Variants in BTRC observed in about 807,000 individuals in gnomAD.
The protein encoded by BTRC is beta-transducin repeat containing E3 ubiquitin protein ligase, also known as F-box/WD repeat-containing protein 1A.
A neutral mutation model predicts 85.5 loss-of-function variants in BTRC; 42 were observed. The observed-to-expected ratio is 0.49, with a 90% CI of 0.38 to 0.64. BTRC has a LOEUF of 0.64. BTRC is among the 30% of genes least tolerant of loss of function. The probability of loss-of-function intolerance (pLI) is 0.00; values close to 1 mark genes in which losing one functional copy is unlikely to be tolerated. For missense variants in BTRC, 594 were observed against 743.5 expected, an observed-to-expected ratio of 0.80 and a Z score of 2.34; for synonymous variants, 255 against 263.3, an observed-to-expected ratio of 0.97 and a Z score of 0.30.
rs535656002 is a variant in BTRC, at chr10:101,387,528, C to CTTTTTTTTTTTTTTTTTTTTTT, written c.48+33318_48+33319insTTTTTTTTTTTTTTTTTTTTTT. On this transcript the variant is annotated intron_variant, in intron 1 of 14. Coordinates refer to ENST00000370187, the MANE Select transcript of BTRC (RefSeq NM_033637.4). ...TGTGGCTTTTTATACCTTCATGGGA[C>CTTTTTTTTTTTTTTTTTTTTTT]TTTTTTTTTTTTTTTTTTGAGATAG... Among the ~76,000 whole-genome samples, 244 of 45,056 alleles carry CTTTTTTTTTTTTTTTTTTTTTT rather than the reference C, an allele frequency of 5.4e-3. 76 individuals are homozygous for CTTTTTTTTTTTTTTTTTTTTTT. Among genetic ancestry groups the CTTTTTTTTTTTTTTTTTTTTTT allele is most frequent in the East Asian group, 0.011 (9 of 784 alleles). 29.6% of individuals were successfully genotyped at this position (45,056 alleles called of 152,430 possible).
intron 4 of BTRC, among the ~76,000 whole-genome samples, chr10:101,503,138 T>C (rs1386028156): frequency 1.3e-5 from 2 of 152,164 alleles, no homozygotes; most frequent in African/African-American, 4.8e-5. Context: ...TGGGATAGAA[T>C]CAGTGTCAAA....
intron 1 of BTRC, among the ~76,000 whole-genome samples, chr10:101,372,242 TTTTC>T (rs1222531814): frequency 5.4e-5 from 8 of 147,976 alleles, no homozygotes; most frequent in African/African-American, 1.9e-4. Flanking sequence ...GCCTTTTGCG[TTTTC>T]TTTTTCTTTT....
At chr10:101,504,625 C>G (rs1946472709) in intron 4 of BTRC, among the ~76,000 whole-genome samples, 2 of 151,964 alleles carry the variant, frequency 1.3e-5, no homozygotes, top group Admixed American at 6.6e-5. Context: ...TTCTCTAGCC[C>G]TAGCCCTTCC....
chr10:101,471,077 C>G (rs951670408), intron 3 of BTRC, among the ~76,000 whole-genome samples: 1 of 152,132 alleles, frequency 6.6e-6, no homozygotes, highest in Non-Finnish European at 1.5e-5. Context: ...GCACCAAATA[C>G]CATAGTGTCT....
chr10:101,535,156 A>T (rs768036562), intron 10 of BTRC, among the ~76,000 whole-genome samples, 198 bp from the exon 11 acceptor site: 44 of 152,172 alleles, frequency 2.9e-4, no homozygotes, highest in Admixed American at 2.7e-3. Context: ...AATCAATCTG[A>T]GGAATTCTCA....
At chr10:101,517,224 G>A (rs573674290) in intron 4 of BTRC, among the ~76,000 whole-genome samples, 1 of 152,308 alleles carries the variant, frequency 6.6e-6, no homozygotes, top group East Asian at 1.9e-4. Context: ...GATTACAGGT[G>A]TCAGCTCCTT....
intron 5 of BTRC, among the ~76,000 whole-genome samples, chr10:101,524,805 A>T (rs1485948749): frequency 6.6e-6 from 1 of 152,188 alleles, no homozygotes; most frequent in Non-Finnish European, 1.5e-5. Context: ...TGGGTAATGC[A>T]TGTCTCCATC....
intron 4 of BTRC, among the ~76,000 whole-genome samples, chr10:101,506,059 G>A (rs1442223958): frequency 2.6e-5 from 4 of 152,014 alleles, no homozygotes; most frequent in African/African-American, 9.7e-5. Flanking sequence ...GACTACCGGT[G>A]CCGGCCACCA....
chr10:101,404,623 T>C (rs1943574721), intron 1 of BTRC, among the ~76,000 whole-genome samples: 1 of 152,212 alleles, frequency 6.6e-6, no homozygotes, highest in African/African-American at 2.4e-5. Context: ...TTTGCAGTTC[T>C]ATTGAGATAT....
chr10:101,433,748 T>C (rs924421239), intron 2 of BTRC, among the ~76,000 whole-genome samples: 1 of 152,172 alleles, frequency 6.6e-6, no homozygotes, highest in African/African-American at 2.4e-5. Context: ...CTGATCTGAT[T>C]TGCATTACTC....
intron 4 of BTRC, among the ~76,000 whole-genome samples, chr10:101,508,381 C>G (rs1946596652): frequency 6.6e-6 from 1 of 152,186 alleles, no homozygotes; most frequent in South Asian, 2.1e-4. Flanking sequence ...TTCCTGTCTT[C>G]CATGTTCACT....
chr10:101,508,913 T>TAAAAAAAAAAAAAAAAAAAAAAA (rs59998718), intron 4 of BTRC, among the ~76,000 whole-genome samples: 3 of 101,932 alleles, frequency 2.9e-5, no homozygotes, highest in Non-Finnish European at 3.9e-5. Context: ...GACTCCATCT[T>TAAAAAAAAAAAAAAAAAAAAAAA]AAAAAAAAAA....
intron 2 of BTRC, among the ~76,000 whole-genome samples, chr10:101,444,063 G>A (rs772950534): frequency 6.6e-6 from 1 of 152,130 alleles, no homozygotes; most frequent in Non-Finnish European, 1.5e-5. Flanking sequence ...TGAGCTAGAG[G>A]TCTGGCTTAG....
intron 2 of BTRC, among the ~76,000 whole-genome samples, chr10:101,455,450 A>G (rs2134151838): frequency 6.6e-6 from 1 of 152,296 alleles, no homozygotes; most frequent in Middle Eastern, 3.4e-3. Context: ...ATGTTCATGT[A>G]GAGATATAAA....
chr10:101,455,700 TAAA>T (rs1945057517), intron 2 of BTRC, among the ~76,000 whole-genome samples: 1 of 152,142 alleles, frequency 6.6e-6, no homozygotes, highest in Non-Finnish European at 1.5e-5. Context: ...TGGTGAATGA[TAAA>T]TAATGTCATG....
chr10:101,526,254 G>A (rs567133115), intron 6 of BTRC, 55 bp downstream of exon 6: 1 of 1,510,518 alleles, frequency 6.6e-7, no homozygotes, highest in Non-Finnish European at 8.9e-7. Context: ...GCCATTCACA[G>A]TCACTGAAAG....
At chr10:101,356,877 A>G (rs1244540313) in intron 1 of BTRC, among the ~76,000 whole-genome samples, 3 of 152,196 alleles carry the variant, frequency 2.0e-5, no homozygotes, top group Admixed American at 1.3e-4. Context: ...CATGCCTGTA[A>G]TCCAGGACTT....
intron 1 of BTRC, among the ~76,000 whole-genome samples, chr10:101,410,780 G>T (rs561556993): frequency 2.6e-5 from 4 of 151,972 alleles, no homozygotes; most frequent in African/African-American, 9.6e-5. Flanking sequence ...AAAACAATAT[G>T]CATCTTTAAC....
chr10:101,394,279 GA>G (rs1943309247), intron 1 of BTRC, among the ~76,000 whole-genome samples: 2 of 152,116 alleles, frequency 1.3e-5, no homozygotes, highest in Admixed American at 1.3e-4. Context: ...TTGGAAATGG[GA>G]TATTTTTAGA....
Sources: allele counts gnomAD v4.1 joint callset (sites outside exome capture counted in the v4.1 genomes callset), GRCh38; gene constraint gnomAD v4.1.1; transcripts MANE v1.5; gene names NCBI Gene and HGNC (gene_info 2026-07-23, HGNC 2026-07-21).